MYO16: variants seen among roughly 807,000 people sequenced by gnomAD.
The protein encoded by MYO16 is myosin XVI.
In MYO16, 94 loss-of-function variants were observed where a neutral mutation model predicts 205.3. The observed-to-expected ratio is 0.46, with a 90% CI of 0.39 to 0.54. MYO16 has a LOEUF of 0.54. MYO16 is among the 20% of genes least tolerant of loss of function. MYO16 has a pLI of 0.00. For synonymous variants in MYO16, 988 were observed against 954.0 expected (o/e 1.04, Z -0.66); for missense variants, 2,315 against 2,387.5 (o/e 0.97, Z 0.63).
intron 14 of MYO16, among the ~76,000 whole-genome samples, chr13:108,891,366 G>A (rs1880164898): frequency 6.6e-6 from 1 of 152,080 alleles, no homozygotes; most frequent in Admixed American, 6.5e-5. Context: ...TTCCAGTGTA[G>A]GGAAGACACA....
intron 4 of MYO16, among the ~76,000 whole-genome samples, chr13:108,763,258 C>T (rs1885668260): frequency 6.6e-6 from 1 of 152,176 alleles, no homozygotes; most frequent in Admixed American, 6.5e-5. Flanking sequence ...TATATACTCA[C>T]TAATGCATTT....
At chr13:108,904,907 A>C (rs1880888542) in intron 15 of MYO16, among the ~76,000 whole-genome samples, 1 of 152,220 alleles carries the variant, frequency 6.6e-6, no homozygotes, top group Admixed American at 6.5e-5. Flanking sequence ...TTTAGAGTGT[A>C]CGCAGTTTTT....
intron 33 of MYO16, among the ~76,000 whole-genome samples, chr13:109,170,389 C>T (rs957467802): frequency 3.3e-5 from 5 of 152,046 alleles, no homozygotes; most frequent in East Asian, 1.9e-4. Flanking sequence ...AAGAGGTGCT[C>T]GGAGAACGGA....
At chr13:109,012,646 G>C (rs1325253661) in intron 22 of MYO16, among the ~76,000 whole-genome samples, 1 of 152,022 alleles carries the variant, frequency 6.6e-6, no homozygotes, top group Non-Finnish European at 1.5e-5. Context: ...AAAGGTTGGG[G>C]CCCTCTAGTC....
chr13:109,198,456 C>T (rs534113828), intron 34 of MYO16, among the ~76,000 whole-genome samples: 2 of 152,018 alleles, frequency 1.3e-5, no homozygotes, highest in Non-Finnish European at 2.9e-5. Flanking sequence ...TCCTGTAGAA[C>T]TTTATTTAGT....
the MYO16 span, among the ~76,000 whole-genome samples, chr13:108,523,513 G>A: frequency 6.6e-6 from 1 of 152,190 alleles, no homozygotes; most frequent in Non-Finnish European, 1.5e-5. Context: ...TCATTATTCT[G>A]CAGACCACAA....
intron 2 of MYO16, among the ~76,000 whole-genome samples, chr13:108,685,404 T>C (rs1306626309): frequency 2.0e-5 from 3 of 152,208 alleles, no homozygotes; most frequent in Non-Finnish European, 4.4e-5. Flanking sequence ...GGGAGGAGTC[T>C]TGTGGGACTG....
intron 21 of MYO16, among the ~76,000 whole-genome samples, chr13:108,993,371 T>G (rs1458552916): frequency 2.0e-5 from 3 of 152,168 alleles, no homozygotes; most frequent in Non-Finnish European, 4.4e-5. Flanking sequence ...TAAACATAAT[T>G]AAACAGGTTC....
chr13:108,508,822 G>T, the MYO16 span, among the ~76,000 whole-genome samples: 4 of 152,192 alleles, frequency 2.6e-5, no homozygotes, highest in African/African-American at 9.7e-5. Flanking sequence ...TCGTAAAGGT[G>T]TTTGGTTCAT....
intron 32 of MYO16, among the ~76,000 whole-genome samples, chr13:109,159,700 G>C (rs1878275712): frequency 1.3e-5 from 2 of 151,684 alleles, no homozygotes; most frequent in Non-Finnish European, 2.9e-5. Context: ...ACCTGGCGAG[G>C]AAGACAGGTG....
chr13:108,745,060 A>G (rs1160233225), intron 4 of MYO16, among the ~76,000 whole-genome samples: 1 of 152,226 alleles, frequency 6.6e-6, no homozygotes, highest in Non-Finnish European at 1.5e-5. Flanking sequence ...TCAGCTTCTA[A>G]TTGTCACTCC....
chr13:109,159,147 C>A (rs1878235399), intron 32 of MYO16, among the ~76,000 whole-genome samples: 1 of 152,208 alleles, frequency 6.6e-6, no homozygotes, highest in Non-Finnish European at 1.5e-5. Context: ...TAGGTCCTTT[C>A]TCTCATAAGT....
chr13:109,023,850 C>G (rs1470428801), intron 23 of MYO16, among the ~76,000 whole-genome samples: 6 of 133,764 alleles, frequency 4.5e-5, no homozygotes, highest in Non-Finnish European at 6.2e-5. Context: ...TATTTATATT[C>G]AATAAATATA....
At chr13:109,058,687 G>C (rs1015440328) in intron 27 of MYO16, among the ~76,000 whole-genome samples, 1 of 152,142 alleles carries the variant, frequency 6.6e-6, no homozygotes, top group African/African-American at 2.4e-5. Flanking sequence ...CCATCAGGCT[G>C]ATGGTTGCTG....
chr13:108,970,250 C>G (rs187677899), intron 20 of MYO16, among the ~76,000 whole-genome samples: 1 of 152,224 alleles, frequency 6.6e-6, no homozygotes, highest in Admixed American at 6.5e-5. Flanking sequence ...TTATATGAAA[C>G]CATTCTCACT....
chr13:108,957,881 G>C, intron 17 of MYO16, 82 bp downstream of exon 17: 2 of 1,086,132 alleles, frequency 1.8e-6, no homozygotes, highest in Non-Finnish European at 2.7e-6. Flanking sequence ...AGCATTTACT[G>C]AGCCCCTATG....
intron 4 of MYO16, among the ~76,000 whole-genome samples, chr13:108,784,395 GAAAA>G (rs1886396856): frequency 1.3e-5 from 2 of 152,070 alleles, no homozygotes; most frequent in Admixed American, 1.3e-4. Context: ...CATGGTTATA[GAAAA>G]TATAGCATAG....
At position 108,927,247 on chromosome 13, in the gene MYO16, A is replaced by G. The variant is rs9301333; in HGVS notation, c.1925+17097A>G. Among the ~76,000 whole-genome samples the G allele has an allele frequency of 2.5e-3, 384 of 152,322 alleles. 2 individuals are homozygous for G. The highest frequency in any genetic ancestry group is 8.2e-3 in the African/African-American group (341 of 41,580). On this transcript the variant is annotated intron_variant, in intron 16 of 34. Transcript: ENST00000457511. Reference sequence around the variant, plus strand: ...TAAGTGAGATGGTGGTAAATAATGCATTATATTTGCATTTTCGGCATTTAG... The same window carrying G: ...TAAGTGAGATGGTGGTAAATAATGCGTTATATTTGCATTTTCGGCATTTAG...
chr13:108,925,322 G>T (rs560078072), intron 16 of MYO16, among the ~76,000 whole-genome samples: 1 of 152,164 alleles, frequency 6.6e-6, no homozygotes, highest in Non-Finnish European at 1.5e-5. Flanking sequence ...GTTAAACCGA[G>T]CTCCGCCACT....
Sources: allele counts gnomAD v4.1 joint callset (sites outside exome capture counted in the v4.1 genomes callset), GRCh38; gene constraint gnomAD v4.1.1; transcripts MANE v1.5; gene names NCBI Gene and HGNC (gene_info 2026-07-23, HGNC 2026-07-21).